Variants in QTRT2 observed in about 807,000 individuals in gnomAD.
QTRT2 encodes queuine tRNA-ribosyltransferase accessory subunit 2, also known as queuine tRNA-ribosyltransferase domain containing 1.
Under a neutral mutation model 44.8 loss-of-function variants are expected in QTRT2, and 32 were observed. The observed-to-expected ratio is 0.71, with a 90% CI of 0.54 to 0.96. The LOEUF (loss-of-function observed/expected upper bound fraction) is 0.96, where lower values mean the gene tolerates loss of function less well. Among genes scored for constraint, QTRT2 ranks in the 40% least tolerant of loss-of-function variants. The pLI, the probability that QTRT2 is intolerant of heterozygous loss-of-function variation, is 0.00. For synonymous variants in QTRT2, 182 were observed against 187.4 expected (o/e 0.97, Z 0.24); for missense variants, 461 against 503.1 (o/e 0.92, Z 0.80).
chr3:114,085,576 T>C, intron 9 of QTRT2, 97 bp from the exon 10 acceptor site: 4 of 993,164 alleles, frequency 4.0e-6, no homozygotes, highest in South Asian at 4.0e-5. Context: ...AGTGATGTTA[T>C]TAACCACTGG....
intron 2 of QTRT2, among the ~76,000 whole-genome samples, chr3:114,062,861 G>A (rs2076906275): frequency 6.6e-6 from 1 of 152,150 alleles, no homozygotes; most frequent in South Asian, 2.1e-4. Flanking sequence ...GCCTTTATAT[G>A]AATTTAATTT....
rs1455890086 is a variant in QTRT2 at position 114,082,780 on chromosome 3, T to G, written c.1002T>G (p.Asn334Lys). The G allele has an allele frequency of 7.0e-7, 1 of 1,434,534 alleles. No individual in the cohort carries two copies. Among genetic ancestry groups the G allele is most frequent in the Non-Finnish European group, 9.6e-7 (1 of 1,042,896 alleles). The allele number at this position is 1,434,534 out of a possible 1,614,324, so 88.9% of individuals were successfully genotyped here. A position where few individuals can be genotyped will look rare whatever the true frequency, so the allele number is the denominator to read the frequency against. ...CNQEITSFEINLKEKKYQEDF... is the reference protein window; with the variant it reads ...CNQEITSFEIKLKEKKYQEDF... ...AAGAAATAACATCATTTGAAATTAA[T>G]CTGAAGGAAAAAAAGTAAGAAATTT... Residue 334 changes from asparagine to lysine, a missense_variant, in exon 9 of 10, where the codon AAT becomes AAG. Physicochemically the swap from Asn to Lys is moderately conservative, Grantham distance 94 (BLOSUM62 0). Coordinates refer to ENST00000281273, the MANE Select transcript of QTRT2 (RefSeq NM_024638.4).
intron 2 of QTRT2, among the ~76,000 whole-genome samples, chr3:114,061,501 C>A (rs1202688106): frequency 1.3e-5 from 2 of 152,184 alleles, no homozygotes; most frequent in Non-Finnish European, 1.5e-5. Context: ...AATCTTTGAG[C>A]CCCTGTGTAA....
rs985117553 is a variant in QTRT2, at chr3:114,070,815, C to T, written c.523C>T (p.Leu175=). ...DRSLLFLDNC[L]RLQEESEVLQ... ...ATCACTTCTTTTCTTGGATAACTGT[C>T]TGCGGCTGCAGGAAGAGTCAGAGGT... The change falls in exon 6 of 10, where the codon CTG becomes TTG. Residue 175 remains leucine, a synonymous_variant. Coordinates refer to ENST00000281273, the MANE Select transcript of QTRT2 (RefSeq NM_024638.4). The T allele has an allele frequency of 9.9e-6, 16 of 1,613,890 alleles. No homozygotes were observed. Among genetic ancestry groups the T allele is most frequent in the Non-Finnish European group, 1.4e-5 (16 of 1,179,916 alleles).
At chr3:114,072,282 A>G (rs375324247) in intron 6 of QTRT2, among the ~76,000 whole-genome samples, 3 of 151,874 alleles carry the variant, frequency 2.0e-5, no homozygotes, top group African/African-American at 7.3e-5. Context: ...GCCTCCAAGT[A>G]GCTGGGATTA....
At chr3:114,083,441 G>A (rs999022358) in intron 9 of QTRT2, among the ~76,000 whole-genome samples, 1 of 152,136 alleles carries the variant, frequency 6.6e-6, no homozygotes, top group African/African-American at 2.4e-5. Context: ...TGAGCATCAT[G>A]TTAGTGCTCA....
chr3:114,071,650 C>T (rs923932016), intron 6 of QTRT2, among the ~76,000 whole-genome samples: 18 of 152,190 alleles, frequency 1.2e-4, no homozygotes, highest in Middle Eastern at 3.4e-3. Flanking sequence ...TTTAATATCC[C>T]ACTGTTCACT....
In QTRT2 at chr3:114,076,833, C is replaced by T. The variant is rs1278201636; in HGVS notation, c.637C>T (p.Pro213Ser). 1 of 1,614,176 alleles carries T rather than the reference C, an allele frequency of 6.2e-7. No homozygotes were observed. Among genetic ancestry groups the T allele is most frequent in the South Asian group, 1.1e-5 (1 of 91,084 alleles). Residue 213 changes from proline to serine, a missense_variant, in exon 7 of 10, where the codon CCT (proline) becomes TCT (serine). Physicochemically the swap from Pro to Ser is moderately conservative, Grantham distance 74. Transcript: ENST00000281273. The part of the protein sequence containing the change: ...LRSARETAKR[P>S]VGGFLLDGFQ... ...GTCAGCACGAGAGACAGCCAAGCGGCCTGTGGGTGGCTTCCTTCTGGATGG... is the reference window on the plus strand; with the variant it reads ...GTCAGCACGAGAGACAGCCAAGCGGTCTGTGGGTGGCTTCCTTCTGGATGG...
At chr3:114,081,111 G>T (rs1364456586) in intron 8 of QTRT2, among the ~76,000 whole-genome samples, 3 of 152,154 alleles carry the variant, frequency 2.0e-5, no homozygotes, top group Admixed American at 2.0e-4. Flanking sequence ...AATATGCAAA[G>T]CTCTAAAAAG....
rs2077145442 is a variant in QTRT2 at position 114,079,977 on chromosome 3, G to A, written c.818G>A (p.Ser273Asn). 4 of 1,613,746 alleles carry A rather than the reference G, an allele frequency of 2.5e-6. No individual in the cohort carries two copies. Among genetic ancestry groups the A allele is most frequent in the Non-Finnish European group, 1.7e-6 (2 of 1,179,836 alleles). Residue 273 changes from serine to asparagine, a missense_variant, in exon 8 of 10, where the codon AGT becomes AAT. By Grantham distance (46) the Ser-to-Asn change is conservative. Coordinates refer to ENST00000281273, the MANE Select transcript of QTRT2 (RefSeq NM_024638.4). ...GAAAGAGGAGTGGACTTATTTGAGA[G>A]TTTTTTCCCTTATCAAGTAACAGAG... is the stretch of plus-strand genomic sequence containing the variant. Reference protein sequence around the residue: ...CIERGVDLFESFFPYQVTERG... With the variant: ...CIERGVDLFENFFPYQVTERG...
intron 2 of QTRT2, among the ~76,000 whole-genome samples, chr3:114,063,227 C>G (rs182237342): frequency 1.3e-5 from 2 of 152,092 alleles, no homozygotes; most frequent in African/African-American, 4.8e-5. Flanking sequence ...TTGTGCTTCC[C>G]CCTGCTTCAA....
At chr3:114,076,405 C>G (rs1275717400) in intron 6 of QTRT2, among the ~76,000 whole-genome samples, 1 of 152,166 alleles carries the variant, frequency 6.6e-6, no homozygotes, top group Non-Finnish European at 1.5e-5. Context: ...ATCCTGGGCT[C>G]AAGTGATCCT....
intron 2 of QTRT2, among the ~76,000 whole-genome samples, chr3:114,062,368 C>CAAA (rs143192501): frequency 1.2e-4 from 10 of 86,154 alleles, no homozygotes; most frequent in Admixed American, 1.4e-4. Context: ...GACCTTGTCT[C>CAAA]AAAAAAAAAA....
In QTRT2 at chr3:114,068,035, C is replaced by G. The variant is rs779171826; in HGVS notation, c.305C>G (p.Pro102Arg). Residue 102 changes from proline to arginine, a missense_variant, in exon 5 of 10, where the codon CCC becomes CGC. Physicochemically the swap from Pro to Arg is moderately radical, Grantham distance 103. Transcript: ENST00000281273. ...TGCTCCCTGCACGATCCAGTCAGCCCCTGCCCGGCTGGTTATGTAACAAAC... is the reference window on the plus strand; with the variant it reads ...TGCTCCCTGCACGATCCAGTCAGCCGCTGCCCGGCTGGTTATGTAACAAAC... ...LYCSLHDPVS[P>R]CPAGYVTNKS... The G allele has an allele frequency of 2.0e-5, 32 of 1,613,776 alleles. No individual in the cohort carries two copies. The Admixed American group carries it at 4.0e-4, about 20-fold the overall frequency.
chr3:114,066,205 G>A, intron 3 of QTRT2, 23 bp from the exon 4 acceptor site: 1 of 1,545,950 alleles, frequency 6.5e-7, no homozygotes, highest in Non-Finnish European at 8.9e-7. Context: ...ATTATGTTAT[G>A]TATTTTTCTG....
intron 8 of QTRT2, among the ~76,000 whole-genome samples, chr3:114,081,589 C>T (rs2077166192): frequency 6.6e-6 from 1 of 152,070 alleles, no homozygotes; most frequent in Non-Finnish European, 1.5e-5. Context: ...AGGTGCATGC[C>T]ACCATGCTGG....
intron 1 of QTRT2, 31 bp from the exon 2 acceptor site, chr3:114,056,968 C>G: frequency 6.8e-7 from 1 of 1,471,456 alleles, no homozygotes; most frequent in Non-Finnish European, 9.0e-7. Context: ...TGATTGTACT[C>G]CCGCCATGTC....
At chr3:114,060,496 G>GTAGGTAGGTAGATAGATAGATAGA (rs74776205) in intron 2 of QTRT2, among the ~76,000 whole-genome samples, 4 of 144,450 alleles carry the variant, frequency 2.8e-5, no homozygotes, top group Non-Finnish European at 3.0e-5. Context: ...AGGTAGGTAG[G>GTAGGTAGGTAGATAGATAGATAGA]TAGATAGATA....
chr3:114,065,730 A>G (rs1246061238), intron 3 of QTRT2, among the ~76,000 whole-genome samples: 1 of 152,090 alleles, frequency 6.6e-6, no homozygotes, highest in African/African-American at 2.4e-5. Flanking sequence ...CAGGGCGGGG[A>G]ATGTTCTGTG....
Sources: allele counts gnomAD v4.1 joint callset (sites outside exome capture counted in the v4.1 genomes callset), GRCh38; gene constraint gnomAD v4.1.1; transcripts MANE v1.5; gene names NCBI Gene and HGNC (gene_info 2026-07-23, HGNC 2026-07-21).